Variants in CYP3A5 observed in about 807,000 individuals in gnomAD.
CYP3A5 encodes the protein cytochrome P450 family 3 subfamily A member 5, also known as cytochrome P450 3A5.
CYP3A5 carries 51 observed loss-of-function variants against 55.9 expected under a neutral mutation model. The ratio of observed to expected loss-of-function variants is 0.91; its 90% CI spans 0.73 to 1.15. The LOEUF (loss-of-function observed/expected upper bound fraction) is 1.15, where lower values mean the gene tolerates loss of function less well. Among genes scored for constraint, CYP3A5 ranks in the 50% most tolerant of loss-of-function variants. The probability of loss-of-function intolerance (pLI) is 0.00; values close to 1 mark genes in which losing one functional copy is unlikely to be tolerated. For missense variants in CYP3A5, 533 were observed against 596.6 expected, an observed-to-expected ratio of 0.89 and a Z score of 1.11; for synonymous variants, 196 against 213.9, an observed-to-expected ratio of 0.92 and a Z score of 0.73.
rs1330882575 is a variant in CYP3A5, at chr7:99,657,964, A to G, written c.1026+2535T>C. 4.6e-5 allele frequency among the ~76,000 whole-genome samples: 7 copies of G among 151,858 alleles called. No homozygotes were observed. The South Asian group carries it at 1.0e-3, about 23-fold the overall frequency. On this transcript the variant is annotated intron_variant, in intron 10 of 12. Transcript: ENST00000222982. ...GATCTTCCTCCATCCCTTTATTTTG[A>G]GCCTATGTGTTACTTTGCACGTGAG...
chr7:99,649,063 G>C (rs1808898722), intron 12 of CYP3A5, among the ~76,000 whole-genome samples: 1 of 152,218 alleles, frequency 6.6e-6, no homozygotes, highest in Non-Finnish European at 1.5e-5. Context: ...CACCAACAGA[G>C]TAACATTCTG....
At chr7:99,656,069 A>C (rs909280756) in intron 10 of CYP3A5, among the ~76,000 whole-genome samples, 3 of 152,100 alleles carry the variant, frequency 2.0e-5, no homozygotes, top group African/African-American at 7.2e-5. Flanking sequence ...AATACCCTTT[A>C]TTTCTTTCTC....
At chr7:99,658,536 T>C (rs1810027387) in intron 10 of CYP3A5, among the ~76,000 whole-genome samples, 1 of 152,148 alleles carries the variant, frequency 6.6e-6, no homozygotes, top group African/African-American at 2.4e-5. Context: ...ATTTCAACTT[T>C]GGTGAATCTG....
At chr7:99,663,146 T>C in intron 8 of CYP3A5, 1 of 1,189,828 alleles carries the variant, frequency 8.4e-7, no homozygotes, top group East Asian at 4.9e-5. Flanking sequence ...CTTCTCTGTC[T>C]TTTGGATACA....
At chr7:99,650,007 C>A (rs924022269) in intron 12 of CYP3A5, 66 bp downstream of exon 12, 4 of 1,564,530 alleles carry the variant, frequency 2.6e-6, no homozygotes, top group Non-Finnish European at 2.6e-6. Flanking sequence ...CATGCATATT[C>A]TTTTAAAAAA....
At chr7:99,678,885 C>A (rs114522009) in intron 1 of CYP3A5, among the ~76,000 whole-genome samples, 12,165 of 152,208 alleles carry the variant, frequency 0.08, 611 homozygotes, top group African/African-American at 0.13. Context: ...GCCTCCACTA[C>A]CCACAGTGGA....
chr7:99,660,301 CA>C (rs2151396770), intron 10 of CYP3A5, 197 bp downstream of exon 10: 1 of 1,073,576 alleles, frequency 9.3e-7, no homozygotes, highest in South Asian at 2.6e-5. Context: ...CAATATTGTA[CA>C]AAGATCTTAT....
At chr7:99,661,121 T>C (rs1810400500) in intron 9 of CYP3A5, among the ~76,000 whole-genome samples, 4 of 152,210 alleles carry the variant, frequency 2.6e-5, no homozygotes, top group Admixed American at 2.0e-4. Flanking sequence ...GAATTTGCAA[T>C]ATTTAGGACC....
chr7:99,650,128 A>C lies in CYP3A5; in HGVS notation c.1358T>G (p.Leu453Arg), dbSNP rs766107094. 12 of 1,614,044 alleles carry C rather than the reference A, an allele frequency of 7.4e-6. No homozygotes were observed. In the East Asian group the frequency reaches 2.7e-4, roughly 36 times the overall value. Reference protein sequence around the residue: ...GMRFALMNMKLALIRVLQNFS... With the variant: ...GMRFALMNMKRALIRVLQNFS... Reference sequence around the variant, plus strand: ...GTTCTGAAGGACTCTGATTAGAGCAAGTTTCATGTTCATGAGAGCAAACCT... The same window carrying C: ...GTTCTGAAGGACTCTGATTAGAGCACGTTTCATGTTCATGAGAGCAAACCT... The change falls in exon 12 of 13, where the codon CTT (leucine) becomes CGT (arginine). Residue 453 changes from leucine (L) to arginine (R), a missense_variant. Coordinates refer to ENST00000222982, the MANE Select transcript of CYP3A5 (RefSeq NM_000777.5).
Position 99,666,625 on chromosome 7 carries a change from T to G in CYP3A5, c.497A>C (p.Lys166Thr). 1 of 1,613,986 alleles carries G rather than the reference T, an allele frequency of 6.2e-7. No homozygotes were observed. Among genetic ancestry groups the G allele is most frequent in the South Asian group, 1.1e-5 (1 of 91,080 alleles). The change falls in exon 6 of 13, where the codon AAA (lysine) becomes ACA (threonine). Residue 166 changes from lysine (K) to threonine (T), a missense_variant. Transcript: ENST00000222982. ...CTCTTTCAAGGTGACAGGCTTGCCT[T>G]TCTCTGCTTCCCGCCTCAAGTTTCT... ...LVRNLRREAE[K>T]GKPVTLKDIF...
chr7:99,666,725 G>A, intron 5 of CYP3A5, 36 bp from the exon 6 acceptor site: 2 of 1,613,866 alleles, frequency 1.2e-6, no homozygotes, highest in Non-Finnish European at 1.7e-6. Context: ...GTAGTTAAAT[G>A]TGCAGACTCA....
chr7:99,655,827 T>C (rs1458149422), intron 10 of CYP3A5, among the ~76,000 whole-genome samples: 1 of 152,232 alleles, frequency 6.6e-6, no homozygotes, highest in Non-Finnish European at 1.5e-5. Context: ...AGGTATTTTA[T>C]TGTCTTTGAA....
chr7:99,658,511 A>C (rs1685866779), intron 10 of CYP3A5, among the ~76,000 whole-genome samples: 1 of 151,992 alleles, frequency 6.6e-6, no homozygotes, highest in South Asian at 2.1e-4. Context: ...GGCTGCCCTT[A>C]ACATTTTTTC....
At position 99,665,248 on chromosome 7, in the gene CYP3A5, G is replaced by T. The variant is rs760471590; in HGVS notation, c.588C>A (p.Leu196=). The T allele has an allele frequency of 6.2e-7, 1 of 1,614,156 alleles. No individual in the cohort carries two copies. The highest frequency in any genetic ancestry group is 8.5e-7 in the Non-Finnish European group (1 of 1,180,012). ...GTSFGVNIDS[L]NNPQDPFVES... ...CCACAAAGGGGTCTTGTGGATTGTT[G>T]AGAGAGTCGATGTTCACTCCAAATG... The change falls in exon 7 of 13, where the codon CTC becomes CTA. Residue 196 remains leucine (L), a synonymous_variant. Transcript: ENST00000222982.
chr7:99,654,263 GA>G (rs1809486261), intron 10 of CYP3A5, among the ~76,000 whole-genome samples: 1 of 151,890 alleles, frequency 6.6e-6, no homozygotes, highest in African/African-American at 2.4e-5. Context: ...CCCAGTGTGT[GA>G]TATTCCCCTT....
intron 11 of CYP3A5, among the ~76,000 whole-genome samples, chr7:99,651,555 G>GTATTA (rs1374125894): frequency 6.6e-6 from 1 of 152,168 alleles, no homozygotes; most frequent in African/African-American, 2.4e-5. Context: ...CTGTGAACAA[G>GTATTA]TATTATGTGC....
chr7:99,675,590 A>C, intron 2 of CYP3A5, among the ~76,000 whole-genome samples: 1 of 131,284 alleles, frequency 7.6e-6, no homozygotes, highest in Non-Finnish European at 1.6e-5. Flanking sequence ...TGGAGCCTAC[A>C]CACCTTTTCC....
chr7:99,660,541 C>G lies in CYP3A5; in HGVS notation c.984G>C (p.Gln328His). The stretch of plus-strand genomic sequence containing the variant: ...CATCAATCTCCTTTTGCAGTTTCTG[C>G]TGGACATCAGGGTGAGTGGCCAGTT... ...LYELATHPDVQQKLQKEIDAV... is the reference protein window; with the variant it reads ...LYELATHPDVHQKLQKEIDAV... Residue 328 changes from glutamine (Q) to histidine (H), a missense_variant, in exon 10 of 13, where the codon CAG becomes CAC. Gln to His is a conservative substitution (Grantham distance 24, BLOSUM62 0). Transcript: ENST00000222982. The G allele has an allele frequency of 6.2e-7, 1 of 1,613,578 alleles. No individual in the cohort carries two copies. The highest frequency in any genetic ancestry group is 8.5e-7 in the Non-Finnish European group (1 of 1,179,804).
intron 6 of CYP3A5, among the ~76,000 whole-genome samples, chr7:99,665,527 C>A (rs1810915516): frequency 6.6e-6 from 1 of 152,184 alleles, no homozygotes; most frequent in African/African-American, 2.4e-5. Flanking sequence ...GATGGAGACA[C>A]CAAGCTGAGT....
Sources: gnomAD v4.1 joint callset for allele counts (sites outside exome capture counted in the v4.1 genomes callset) on GRCh38, gnomAD v4.1.1 for gene constraint, MANE v1.5 for transcripts, NCBI Gene and HGNC (gene_info 2026-07-23, HGNC 2026-07-21) for gene names.